The following DNM3 variants were observed in gnomAD, a reference collection of about 807,000 sequenced individuals.
The protein encoded by DNM3 is dynamin-3.
DNM3 carries 47 observed loss-of-function variants against 101.6 expected under a neutral mutation model. That is an observed-to-expected ratio of 0.46 (90% CI 0.37 to 0.59). The LOEUF is 0.59. Among genes scored for constraint, DNM3 ranks in the 20% least tolerant of loss-of-function variants. The probability of loss-of-function intolerance (pLI) is 0.00; values close to 1 mark genes in which losing one functional copy is unlikely to be tolerated. For missense variants in DNM3, 849 were observed against 1,085.7 expected, an observed-to-expected ratio of 0.78 and a Z score of 3.06; for synonymous variants, 385 against 387.9, an observed-to-expected ratio of 0.99 and a Z score of 0.09.
chr1:172,078,624 T>A lies in DNM3; in HGVS notation c.1423-3208T>A, dbSNP rs989155443. 2.0e-5 allele frequency among the ~76,000 whole-genome samples: 3 copies of A among 152,232 alleles called. No individual in the cohort carries two copies. The East Asian group carries it at 5.8e-4, about 29-fold the overall frequency. On this transcript the variant is annotated intron_variant, in intron 11 of 20. Coordinates refer to ENST00000627582, the MANE Select transcript of DNM3 (RefSeq NM_015569.5). ...ATTGGGGCATTTAGTCCATTTACAA[T>A]TCAGGTTAATATTGTTATGTGTGAA...
chr1:172,029,491 G>T (rs1288224632), intron 4 of DNM3, among the ~76,000 whole-genome samples: 1 of 152,052 alleles, frequency 6.6e-6, no homozygotes, highest in Admixed American at 6.6e-5. Context: ...TTTGAAAACC[G>T]GTACAAAACA....
chr1:171,877,320 G>T (rs2035874696), intron 1 of DNM3, among the ~76,000 whole-genome samples: 1 of 152,170 alleles, frequency 6.6e-6, no homozygotes, highest in Non-Finnish European at 1.5e-5. Flanking sequence ...TAAATGAAAT[G>T]ATTTTATAAA....
intron 1 of DNM3, 68 bp downstream of exon 1, chr1:171,841,885 G>T: frequency 6.5e-7 from 1 of 1,534,170 alleles, no homozygotes; most frequent in South Asian, 1.2e-5. Context: ...GTTGGAACGT[G>T]GACGGGCAGC....
chr1:172,033,228 G>A lies in DNM3; in HGVS notation c.812G>A (p.Arg271Gln), dbSNP rs1354009187. ...SHPAYRHIAD[R>Q]MGTPHLQKVL... ...CCGGCTTACAGACATATCGCTGACC[G>A]AATGGGAACCCCACACCTGCAGAAG... The change falls in exon 6 of 21, where the codon CGA becomes CAA. Residue 271 changes from arginine to glutamine, a missense_variant. Arg to Gln is a conservative substitution (Grantham distance 43, BLOSUM62 1). This residue lies in a region of DNM3 where 388 missense variants were observed against 483.0 expected (regional missense o/e 0.80). Transcript: ENST00000627582. 5 of 1,605,600 alleles carry A rather than the reference G, an allele frequency of 3.1e-6. No homozygotes were observed. The highest frequency in any genetic ancestry group is 2.2e-5 in the East Asian group (1 of 44,592).
chr1:172,364,753 T>C (rs2067921404), intron 17 of DNM3, among the ~76,000 whole-genome samples: 1 of 151,858 alleles, frequency 6.6e-6, no homozygotes, highest in African/African-American at 2.4e-5. Context: ...TTCAGCATCA[T>C]CTCCCCTTGG....
intron 2 of DNM3, among the ~76,000 whole-genome samples, chr1:171,931,861 G>C (rs1011232284): frequency 6.6e-6 from 1 of 152,036 alleles, no homozygotes; most frequent in Non-Finnish European, 1.5e-5. Flanking sequence ...GAAAAATTTT[G>C]TAAAGATGAA....
At chr1:172,134,079 G>A (rs556323099) in intron 14 of DNM3, among the ~76,000 whole-genome samples, 3 of 152,294 alleles carry the variant, frequency 2.0e-5, no homozygotes, top group African/African-American at 7.2e-5. Flanking sequence ...GGCTAGCATG[G>A]AAGAAGGGAG....
intron 2 of DNM3, among the ~76,000 whole-genome samples, chr1:171,986,944 T>A (rs377640190): frequency 6.6e-6 from 1 of 152,296 alleles, no homozygotes; most frequent in African/African-American, 2.4e-5. Context: ...GTACAGAAAT[T>A]GATAATACAC....
At chr1:172,028,031 G>T (rs1034269135) in intron 4 of DNM3, among the ~76,000 whole-genome samples, 1 of 152,082 alleles carries the variant, frequency 6.6e-6, no homozygotes, top group African/African-American at 2.4e-5. Flanking sequence ...AATTAACAAG[G>T]ATATTCAAGA....
At position 172,048,605 on chromosome 1, in the gene DNM3, C is replaced by T. The variant is rs369959881; in HGVS notation, c.1197-7C>T. The T allele has an allele frequency of 1.2e-5, 19 of 1,596,598 alleles. No homozygotes were observed. In the African/African-American group the frequency reaches 2.6e-4, roughly 22 times the overall value. ...ATCTCATGGGCTGCTTGCTTTCTTA[C>T]CTTCAGGACAGGGTTGTTTACTCCA... On this transcript the variant is annotated splice_polypyrimidine_tract_variant and splice_region_variant and intron_variant, in intron 9 of 20. Coordinates refer to ENST00000627582, the MANE Select transcript of DNM3 (RefSeq NM_015569.5).
At chr1:172,100,357 G>A (rs2054548701) in intron 13 of DNM3, among the ~76,000 whole-genome samples, 2 of 152,114 alleles carry the variant, frequency 1.3e-5, no homozygotes, top group Non-Finnish European at 2.9e-5. Context: ...ATCTCTCACA[G>A]GTCTCAGAAA....
intron 11 of DNM3, among the ~76,000 whole-genome samples, chr1:172,079,216 C>A (rs2052930991): frequency 6.6e-6 from 1 of 152,160 alleles, no homozygotes; most frequent in African/African-American, 2.4e-5. Context: ...AGAGTGTTTT[C>A]CAACTTCATT....
At chr1:172,176,980 A>C (rs901996362) in intron 14 of DNM3, among the ~76,000 whole-genome samples, 1 of 151,860 alleles carries the variant, frequency 6.6e-6, no homozygotes, top group Non-Finnish European at 1.5e-5. Context: ...TGAATATAGG[A>C]AGGGAAAGGA....
intron 15 of DNM3, among the ~76,000 whole-genome samples, chr1:172,261,229 G>C (rs751287369): frequency 6.6e-6 from 1 of 152,098 alleles, no homozygotes; most frequent in South Asian, 2.1e-4. Context: ...TACACATCTG[G>C]TATAACTGTT....
rs77739933 is a variant in DNM3 at position 172,052,489 on chromosome 1, G to A, written c.1335+3739G>A. Among the ~76,000 whole-genome samples the A allele has an allele frequency of 6.0e-3, 917 of 152,214 alleles. 10 individuals are homozygous for A. Among genetic ancestry groups the A allele is most frequent in the African/African-American group, 0.021 (869 of 41,552 alleles). On this transcript the variant is annotated intron_variant, in intron 10 of 20. Transcript: ENST00000627582. ...CCTTCTTGGGAAAAAAGTAGTTTAT[G>A]CTTTGCATCTTTACTGTGTCATCTC...
At chr1:172,123,787 C>T (rs566045745) in intron 13 of DNM3, among the ~76,000 whole-genome samples, 1 of 152,310 alleles carries the variant, frequency 6.6e-6, no homozygotes, top group East Asian at 1.9e-4. Flanking sequence ...GGTATTGCTC[C>T]ATCTTCTCCC....
chr1:172,154,018 A>G (rs1321357880), intron 14 of DNM3, among the ~76,000 whole-genome samples: 2 of 151,496 alleles, frequency 1.3e-5, no homozygotes, highest in African/African-American at 4.9e-5. Flanking sequence ...TCATTCGTTC[A>G]TTCATTCGTT....
At chr1:172,276,868 A>C (rs1372505500) in intron 15 of DNM3, among the ~76,000 whole-genome samples, 1 of 152,048 alleles carries the variant, frequency 6.6e-6, no homozygotes, top group African/African-American at 2.4e-5. Context: ...AGTTGTTTGG[A>C]AAGTTAAGTA....
At chr1:172,169,014 A>G (rs949689476) in intron 14 of DNM3, among the ~76,000 whole-genome samples, 3 of 151,984 alleles carry the variant, frequency 2.0e-5, no homozygotes, top group African/African-American at 7.2e-5. Context: ...ATTATAAGTC[A>G]GGGATGGTGA....
Sources: gnomAD v4.1 joint callset for allele counts (sites outside exome capture counted in the v4.1 genomes callset) on GRCh38, gnomAD v4.1.1 for gene constraint, gnomAD v4.1.1 regional missense constraint, MANE v1.5 for transcripts, NCBI Gene and HGNC (gene_info 2026-07-23, HGNC 2026-07-21) for gene names.